The following TMEM132D variants were observed in gnomAD, a reference collection of about 807,000 sequenced individuals.
TMEM132D encodes the protein transmembrane protein 132D.
TMEM132D carries 21 observed loss-of-function variants against 62.3 expected under a neutral mutation model. That is an observed-to-expected ratio of 0.34 (90% confidence interval 0.24 to 0.49). The LOEUF is 0.49. Ranked by LOEUF, TMEM132D falls within the 20% of genes least tolerant of loss-of-function variation. The probability of loss-of-function intolerance (pLI) is 0.99; values close to 1 mark genes in which losing one functional copy is unlikely to be tolerated. For synonymous variants in TMEM132D, 621 were observed against 575.6 expected, an observed-to-expected ratio of 1.08 and a Z score of -1.13; for missense variants, 1,346 against 1,402.8, an observed-to-expected ratio of 0.96 and a Z score of 0.65.
At position 129,838,605 on chromosome 12, in the gene TMEM132D, A is replaced by G. The variant is rs7134235; in HGVS notation, c.79+64656T>C. Among the ~76,000 whole-genome samples, 1,038 of 152,324 alleles carry G rather than the reference A, an allele frequency of 6.8e-3. 10 individuals are homozygous for G. The highest frequency in any genetic ancestry group is 0.023 in the African/African-American group (966 of 41,564). ...TGGGTAAAAAATATTTGTGCCATAT[A>G]TGATCAAGTGTTATTTTAAATATAG... is the stretch of plus-strand genomic sequence containing the variant. On this transcript the variant is annotated intron_variant, in intron 1 of 8. Transcript: ENST00000422113.
intron 3 of TMEM132D, among the ~76,000 whole-genome samples, chr12:129,360,854 T>C (rs1285796945): frequency 6.6e-6 from 1 of 152,176 alleles, no homozygotes; most frequent in East Asian, 1.9e-4. Flanking sequence ...TGCCTTGCCC[T>C]GATGACGAAG....
At chr12:129,120,578 C>T (rs1480603706) in intron 5 of TMEM132D, among the ~76,000 whole-genome samples, 2 of 152,074 alleles carry the variant, frequency 1.3e-5, no homozygotes, top group African/African-American at 2.4e-5. Context: ...ACTTAGAAGA[C>T]ACAACTACTA....
chr12:129,184,257 TCTCA>T (rs1307281243), intron 5 of TMEM132D, among the ~76,000 whole-genome samples: 10 of 152,158 alleles, frequency 6.6e-5, no homozygotes, highest in African/African-American at 2.4e-4. Context: ...TTACTCATGC[TCTCA>T]CTGTCAGAAT....
At chr12:129,852,636 T>A (rs1873583586) in intron 1 of TMEM132D, 1 of 152,152 alleles carries the variant, frequency 6.6e-6, no homozygotes, top group South Asian at 2.1e-4. Flanking sequence ...TATTGTGTAT[T>A]TAGGGGGCAG....
chr12:129,387,650 T>A (rs1223820000), intron 3 of TMEM132D, among the ~76,000 whole-genome samples: 1 of 151,886 alleles, frequency 6.6e-6, no homozygotes, highest in Non-Finnish European at 1.5e-5. Context: ...TTAATGCTAA[T>A]GCCATGTGCC....
chr12:129,309,235 G>A (rs1174511763), intron 4 of TMEM132D, among the ~76,000 whole-genome samples: 2 of 151,974 alleles, frequency 1.3e-5, no homozygotes, highest in East Asian at 3.8e-4. Context: ...ATTCCCTCTG[G>A]TTCTTTTTGT....
At chr12:129,860,105 T>C (rs958253382) in intron 1 of TMEM132D, among the ~76,000 whole-genome samples, 1 of 152,174 alleles carries the variant, frequency 6.6e-6, no homozygotes, top group African/African-American at 2.4e-5. Context: ...GCCCTTGGCA[T>C]TGAGAAGCAG....
intron 4 of TMEM132D, among the ~76,000 whole-genome samples, chr12:129,228,614 T>A (rs539061581): frequency 4.6e-5 from 7 of 152,190 alleles, no homozygotes; most frequent in Non-Finnish European, 7.3e-5. Flanking sequence ...AATCATGTGA[T>A]GTGTGGTCTT....
At chr12:129,443,897 T>C (rs1873014363) in intron 3 of TMEM132D, among the ~76,000 whole-genome samples, 3 of 152,154 alleles carry the variant, frequency 2.0e-5, no homozygotes, top group African/African-American at 7.2e-5. Context: ...ACTGCAAATT[T>C]TAGTTTTCTG....
intron 3 of TMEM132D, among the ~76,000 whole-genome samples, chr12:129,501,782 G>A (rs768185966): frequency 7.9e-5 from 12 of 151,508 alleles, no homozygotes; most frequent in Middle Eastern, 6.9e-3. Context: ...CTGGGATTAC[G>A]GGTGTGCACC....
chr12:129,519,976 C>T (rs748843387), intron 3 of TMEM132D, among the ~76,000 whole-genome samples: 3 of 152,098 alleles, frequency 2.0e-5, no homozygotes, highest in Non-Finnish European at 4.4e-5. Flanking sequence ...ATATAAAATA[C>T]ATTTTGCAAC....
intron 1 of TMEM132D, among the ~76,000 whole-genome samples, chr12:129,872,860 A>G (rs1874297208): frequency 6.6e-6 from 1 of 152,210 alleles, no homozygotes; most frequent in African/African-American, 2.4e-5. Context: ...AATATGTTAG[A>G]GCTGGGCAAG....
chr12:129,162,780 C>T (rs1877437020), intron 5 of TMEM132D, among the ~76,000 whole-genome samples: 1 of 152,204 alleles, frequency 6.6e-6, no homozygotes, highest in Non-Finnish European at 1.5e-5. Context: ...GATGCCAGAG[C>T]CATGCTTCCT....
intron 2 of TMEM132D, among the ~76,000 whole-genome samples, chr12:129,534,658 G>C (rs557684690): frequency 6.6e-6 from 1 of 152,206 alleles, no homozygotes; most frequent in East Asian, 1.9e-4. Context: ...CACCATGGTA[G>C]ACTTGTAAGT....
At chr12:129,510,836 T>C (rs944538584) in intron 3 of TMEM132D, among the ~76,000 whole-genome samples, 6 of 152,210 alleles carry the variant, frequency 3.9e-5, no homozygotes, top group African/African-American at 4.8e-5. Context: ...CTTGACACCA[T>C]TGTCAAAAAC....
intron 2 of TMEM132D, among the ~76,000 whole-genome samples, chr12:129,586,318 G>A (rs1878029101): frequency 6.6e-6 from 1 of 152,146 alleles, no homozygotes; most frequent in African/African-American, 2.4e-5. Flanking sequence ...AAGGCCATCT[G>A]CCACAGATAG....
chr12:129,510,707 T>A (rs961173493), intron 3 of TMEM132D, among the ~76,000 whole-genome samples: 1 of 152,340 alleles, frequency 6.6e-6, no homozygotes, highest in South Asian at 2.1e-4. Flanking sequence ...CAAATCCATG[T>A]ACAATTGTTT....
chr12:129,492,721 T>C (rs959432089), intron 3 of TMEM132D, among the ~76,000 whole-genome samples: 13 of 152,184 alleles, frequency 8.5e-5, no homozygotes, highest in African/African-American at 2.9e-4. Flanking sequence ...GTATTTGTTT[T>C]GGCAAGTGGG....
intron 4 of TMEM132D, among the ~76,000 whole-genome samples, chr12:129,301,817 A>G (rs943745848): frequency 6.6e-6 from 1 of 152,226 alleles, no homozygotes; most frequent in African/African-American, 2.4e-5. Context: ...ACACCAGAAC[A>G]GACACAGGAT....
Sources: allele counts gnomAD v4.1 joint callset (sites outside exome capture counted in the v4.1 genomes callset), GRCh38; gene constraint gnomAD v4.1.1; transcripts MANE v1.5; gene names NCBI Gene and HGNC (gene_info 2026-07-23, HGNC 2026-07-21).